The following NLGN4X variants were observed in gnomAD, a reference collection of about 807,000 sequenced individuals.
The protein encoded by NLGN4X is neuroligin-4, X-linked.
Under a neutral mutation model 40.3 loss-of-function variants are expected in NLGN4X, and 3 were observed. The observed-to-expected ratio is 0.07, with a 90% CI of 0.03 to 0.19. The LOEUF is 0.19. NLGN4X is among the 10% of genes least tolerant of loss of function. NLGN4X has a pLI of 1.00. For missense variants in NLGN4X, 382 were observed against 708.3 expected (o/e 0.54, Z 5.23); for synonymous variants, 270 against 306.8 (o/e 0.88, Z 1.25).
chrX:5,999,365 T>C (rs1437323293), intron 3 of NLGN4X, among the ~76,000 whole-genome samples: 2 of 112,198 alleles, frequency 1.8e-5, no homozygotes, highest in Non-Finnish European at 3.8e-5. Context: ...CTGTCAATCA[T>C]CTTGTTTTCT....
intron 2 of NLGN4X, among the ~76,000 whole-genome samples, chrX:6,102,681 T>C (rs1360189233): frequency 5.4e-5 from 6 of 111,315 alleles, no homozygotes; most frequent in Admixed American, 2.9e-4. Context: ...CATAGACAGA[T>C]AGATACATAG....
rs2040574503 is a variant in NLGN4X at position 6,170,075 on chromosome X, C to T, written c.-305-18304G>A. Reference sequence around the variant, plus strand: ...AGGCTTGAGTGCAGCGGTATAATCTCAGCTCACTGCAGCCTTGACCTCCAG... The same window carrying T: ...AGGCTTGAGTGCAGCGGTATAATCTTAGCTCACTGCAGCCTTGACCTCCAG... On this transcript the variant is annotated intron_variant, in intron 1 of 5. Coordinates refer to ENST00000381095, the MANE Select transcript of NLGN4X (RefSeq NM_181332.3). Among the ~76,000 whole-genome samples, 4 of 108,825 alleles carry T rather than the reference C, an allele frequency of 3.7e-5. No individual in the cohort carries two copies. In the South Asian group the frequency reaches 1.6e-3, roughly 44 times the overall value. 94.5% of individuals were successfully genotyped at this position (108,825 alleles called of 115,157 possible).
At chrX:6,181,792 G>A (rs190468589) in intron 1 of NLGN4X, among the ~76,000 whole-genome samples, 1 of 112,383 alleles carries the variant, frequency 8.9e-6, no homozygotes, top group East Asian at 2.8e-4. Context: ...TCAAACCATA[G>A]CAGTGGGGCA....
chrX:6,119,088 C>A (rs2039364608), intron 2 of NLGN4X, among the ~76,000 whole-genome samples: 1 of 111,927 alleles, frequency 8.9e-6, no homozygotes. Flanking sequence ...TGAAATACTC[C>A]AAAATAACTT....
At chrX:6,020,033 C>T (rs924675823) in intron 3 of NLGN4X, among the ~76,000 whole-genome samples, 1 of 111,595 alleles carries the variant, frequency 9.0e-6, no homozygotes, top group African/African-American at 3.3e-5. Flanking sequence ...TTAAAGAAAT[C>T]CTGAATCGTT....
intron 2 of NLGN4X, among the ~76,000 whole-genome samples, chrX:6,063,993 T>C (rs896503315): frequency 9.0e-6 from 1 of 111,650 alleles, no homozygotes; most frequent in African/African-American, 3.3e-5. Context: ...TGCTATTTCA[T>C]TTCCTTTTAT....
intron 1 of NLGN4X, among the ~76,000 whole-genome samples, chrX:6,224,553 C>A (rs1273828344): frequency 9.0e-6 from 1 of 111,425 alleles, no homozygotes; most frequent in Non-Finnish European, 1.9e-5. Flanking sequence ...TCCAGGCCAA[C>A]AACTATGAAC....
chrX:5,989,357 T>C (rs771099442), intron 3 of NLGN4X, among the ~76,000 whole-genome samples: 1 of 112,097 alleles, frequency 8.9e-6, no homozygotes, highest in Non-Finnish European at 1.9e-5. Flanking sequence ...TTGTAATTAG[T>C]GTACTGCCTC....
chrX:6,146,739 T>C (rs1475317285), intron 2 of NLGN4X, among the ~76,000 whole-genome samples: 1 of 109,739 alleles, frequency 9.1e-6, no homozygotes, highest in Non-Finnish European at 1.9e-5. Context: ...CTAGAAATCA[T>C]AATGGCATTT....
chrX:6,148,508 G>T (rs2040099673), intron 2 of NLGN4X, among the ~76,000 whole-genome samples: 2 of 111,081 alleles, frequency 1.8e-5, no homozygotes, highest in African/African-American at 3.3e-5. Context: ...CTCTGCATTG[G>T]TTCTTTTTTT....
chrX:6,191,895 C>T (rs539759935), intron 1 of NLGN4X, among the ~76,000 whole-genome samples: 1 of 111,714 alleles, frequency 9.0e-6, no homozygotes, highest in Non-Finnish European at 1.9e-5. Flanking sequence ...TCAGAAAAGT[C>T]GATTAACCAG....
chrX:5,915,726 G>T (rs935386343), intron 3 of NLGN4X, among the ~76,000 whole-genome samples: 1 of 111,733 alleles, frequency 8.9e-6, no homozygotes, highest in Non-Finnish European at 1.9e-5. Context: ...GTTTAGTAGA[G>T]ACGGGGTTTC....
intron 3 of NLGN4X, among the ~76,000 whole-genome samples, chrX:5,940,599 G>GAA (rs5901304): frequency 5.1e-3 from 461 of 90,270 alleles, no homozygotes; most frequent in Non-Finnish European, 7.0e-3. Flanking sequence ...CTATTCTCTA[G>GAA]AAAAAAAAAA....
At chrX:6,170,771 T>A (rs1380097161) in intron 1 of NLGN4X, among the ~76,000 whole-genome samples, 1 of 112,251 alleles carries the variant, frequency 8.9e-6, no homozygotes, top group East Asian at 2.8e-4. Flanking sequence ...TATATTATTT[T>A]TAGATATTAC....
rs1926578457 is a variant in NLGN4X at position 6,228,589 on chromosome X, T to C, written c.-354A>G. On this transcript the variant is annotated 5_prime_UTR_variant, in exon 1 of 6. Coordinates refer to ENST00000381095, the MANE Select transcript of NLGN4X (RefSeq NM_181332.3). ...GGCCGTTAAGAGTTCTTTTTACACG[T>C]CCAGATTTTTCTAGGGAACCCGAAA... The C allele has an allele frequency of 9.0e-6, 1 of 110,926 alleles. No homozygotes were observed. 9.1% of individuals were successfully genotyped at this position (110,926 alleles called of 1,213,427 possible).
intron 1 of NLGN4X, among the ~76,000 whole-genome samples, chrX:6,206,357 T>C (rs966692845): frequency 2.7e-5 from 3 of 111,947 alleles, no homozygotes; most frequent in African/African-American, 3.2e-5. Context: ...TTACACAATG[T>C]ATACGTACAT....
At chrX:5,934,399 C>A (rs938755714) in intron 3 of NLGN4X, among the ~76,000 whole-genome samples, 1 of 111,676 alleles carries the variant, frequency 9.0e-6, no homozygotes, top group Non-Finnish European at 1.9e-5. Context: ...CATATGAAAA[C>A]CTGTAACAAT....
At chrX:6,197,451 T>TTTTTTTTTTTTTTTTG (rs1372132580) in intron 1 of NLGN4X, among the ~76,000 whole-genome samples, 1 of 107,292 alleles carries the variant, frequency 9.3e-6, no homozygotes, top group Non-Finnish European at 1.9e-5. Flanking sequence ...TTGTATTTTT[T>TTTTTTTTTTTTTTTTG]ATAGAGACGG....
chrX:6,197,443 G>GTTTTTTTTTTTTTTTTT, intron 1 of NLGN4X, among the ~76,000 whole-genome samples: 1 of 82,610 alleles, frequency 1.2e-5, no homozygotes, highest in Non-Finnish European at 2.4e-5. Context: ...TTTTTTTTTT[G>GTTTTTTTTTTTTTTTTT]TATTTTTTAT....
Sources: gnomAD v4.1 joint callset for allele counts (sites outside exome capture counted in the v4.1 genomes callset) on GRCh38, gnomAD v4.1.1 for gene constraint, MANE v1.5 for transcripts, NCBI Gene and HGNC (gene_info 2026-07-23, HGNC 2026-07-21) for gene names.